Variants in AGBL4 observed in about 807,000 individuals in gnomAD.
AGBL4 encodes the protein AGBL carboxypeptidase 4.
Under a neutral mutation model 66.4 loss-of-function variants are expected in AGBL4, and 58 were observed. The observed-to-expected ratio is 0.87, with a 90% CI of 0.71 to 1.09. AGBL4 has a LOEUF of 1.09. Among genes scored for constraint, AGBL4 ranks in the 50% least tolerant of loss-of-function variants. AGBL4 has a pLI of 0.00. For missense variants in AGBL4, 579 were observed against 631.0 expected (o/e 0.92, Z 0.88); for synonymous variants, 234 against 222.9 (o/e 1.05, Z -0.44).
chr1:48,712,664 G>C (rs1481966762), intron 6 of AGBL4, among the ~76,000 whole-genome samples: 2 of 152,112 alleles, frequency 1.3e-5, no homozygotes, highest in Non-Finnish European at 2.9e-5. Flanking sequence ...GGCATCACTG[G>C]ACAGTCACAC....
At chr1:49,915,533 G>C (rs1463362684) in intron 1 of AGBL4, among the ~76,000 whole-genome samples, 1 of 152,230 alleles carries the variant, frequency 6.6e-6, no homozygotes, top group East Asian at 1.9e-4. Context: ...AGTGAGGCTG[G>C]GGAAGGGGCA....
At chr1:49,168,786 G>A (rs568521890) in intron 4 of AGBL4, among the ~76,000 whole-genome samples, 8 of 152,278 alleles carry the variant, frequency 5.3e-5, no homozygotes, top group African/African-American at 1.9e-4. Context: ...TGGGGCTTCA[G>A]GCCACAGGTG....
At chr1:49,241,010 T>A (rs1489304622) in intron 4 of AGBL4, among the ~76,000 whole-genome samples, 1 of 151,986 alleles carries the variant, frequency 6.6e-6, no homozygotes, top group Non-Finnish European at 1.5e-5. Flanking sequence ...ACTCTCCACA[T>A]CTAGTCAACC....
At chr1:49,820,142 T>A (rs938458119) in intron 2 of AGBL4, among the ~76,000 whole-genome samples, 8 of 152,150 alleles carry the variant, frequency 5.3e-5, no homozygotes, top group African/African-American at 1.9e-4. Context: ...GAATGTTTTA[T>A]CTCCTAGCGT....
At chr1:49,143,558 T>C (rs1310459513) in intron 4 of AGBL4, among the ~76,000 whole-genome samples, 1 of 152,226 alleles carries the variant, frequency 6.6e-6, no homozygotes, top group South Asian at 2.1e-4. Flanking sequence ...GCCATGCTTT[T>C]AACATTCTTC....
At chr1:49,807,754 T>C (rs545419269) in intron 2 of AGBL4, among the ~76,000 whole-genome samples, 1 of 152,276 alleles carries the variant, frequency 6.6e-6, no homozygotes, top group Admixed American at 6.5e-5. Flanking sequence ...AAGATTCAAA[T>C]GTTGAGACCT....
intron 11 of AGBL4, among the ~76,000 whole-genome samples, chr1:48,549,873 A>G (rs1275807936): frequency 6.6e-6 from 1 of 152,128 alleles, no homozygotes; most frequent in Non-Finnish European, 1.5e-5. Flanking sequence ...AAAAAAATGC[A>G]GAGAAGCACA....
At chr1:48,634,414 T>C (rs1645636066) in intron 9 of AGBL4, 79 bp downstream of exon 9, 2 of 1,213,544 alleles carry the variant, frequency 1.6e-6, no homozygotes, top group African/African-American at 1.5e-5. Context: ...CAGCTTCTAG[T>C]GGACTTTCCC....
At chr1:49,114,149 T>A (rs1645469428) in intron 4 of AGBL4, among the ~76,000 whole-genome samples, 1 of 152,232 alleles carries the variant, frequency 6.6e-6, no homozygotes, top group African/African-American at 2.4e-5. Context: ...GTGTCTACAT[T>A]GAAAATGTGT....
chr1:49,282,665 C>G (rs1570325578), intron 3 of AGBL4, among the ~76,000 whole-genome samples: 3 of 152,324 alleles, frequency 2.0e-5, no homozygotes, highest in African/African-American at 7.2e-5. Flanking sequence ...TAGGTGCTCG[C>G]ACCGTGCGCG....
intron 2 of AGBL4, among the ~76,000 whole-genome samples, chr1:49,745,250 T>A (rs936355970): frequency 1.3e-5 from 2 of 152,068 alleles, no homozygotes; most frequent in African/African-American, 4.8e-5. Flanking sequence ...AGTTCTCCTT[T>A]ATCTGATTGT....
At chr1:49,277,004 T>C (rs1475595944) in intron 3 of AGBL4, among the ~76,000 whole-genome samples, 1 of 151,910 alleles carries the variant, frequency 6.6e-6, no homozygotes, top group African/African-American at 2.4e-5. Flanking sequence ...TACTATTTAA[T>C]GTTTCAGTAA....
At chr1:49,840,168 G>T (rs950546287) in intron 2 of AGBL4, among the ~76,000 whole-genome samples, 6 of 152,092 alleles carry the variant, frequency 3.9e-5, no homozygotes, top group African/African-American at 1.4e-4. Context: ...GGTCTATTCA[G>T]AATTTCAATC....
intron 4 of AGBL4, among the ~76,000 whole-genome samples, chr1:49,131,891 G>A (rs921775466): frequency 1.3e-5 from 2 of 151,966 alleles, no homozygotes; most frequent in African/African-American, 4.8e-5. Flanking sequence ...AATTCTATTT[G>A]GAGTGCCTAT....
At chr1:49,037,076 A>C (rs923268389) in intron 5 of AGBL4, among the ~76,000 whole-genome samples, 24 of 152,102 alleles carry the variant, frequency 1.6e-4, no homozygotes, top group African/African-American at 5.6e-4. Flanking sequence ...AATAATAAAA[A>C]AAGAAAAAAG....
chr1:49,723,479 T>C (rs1214689949), intron 2 of AGBL4, among the ~76,000 whole-genome samples: 1 of 152,098 alleles, frequency 6.6e-6, no homozygotes, highest in African/African-American at 2.4e-5. Flanking sequence ...TCTGTACAAC[T>C]TTATCTACCA....
In AGBL4 at chr1:49,695,044, G is replaced by A. The variant is rs1646958296; in HGVS notation, c.282+2269C>T. 2.6e-5 allele frequency among the ~76,000 whole-genome samples: 4 copies of A among 152,050 alleles called. No individual in the cohort carries two copies. In the South Asian group the frequency reaches 8.3e-4, roughly 32 times the overall value. ...AGCAAAGAACACAATGAGGATAGAT[G>A]ATTCTCTTGTTTGAAAAGTAATTGG... On this transcript the variant is annotated intron_variant, in intron 3 of 13. Coordinates refer to ENST00000371839, the MANE Select transcript of AGBL4 (RefSeq NM_032785.4).
At chr1:48,865,507 C>G (rs569352519) in intron 6 of AGBL4, among the ~76,000 whole-genome samples, 2 of 152,240 alleles carry the variant, frequency 1.3e-5, no homozygotes, top group South Asian at 4.1e-4. Context: ...CTTTTCACAT[C>G]TAAGAGGAGG....
At chr1:49,437,020 A>G (rs1453878773) in intron 3 of AGBL4, among the ~76,000 whole-genome samples, 1 of 152,192 alleles carries the variant, frequency 6.6e-6, no homozygotes, top group Admixed American at 6.6e-5. Flanking sequence ...GCCAAAAGCC[A>G]TTAGGTGGAG....
Sources: allele counts gnomAD v4.1 joint callset (sites outside exome capture counted in the v4.1 genomes callset), GRCh38; gene constraint gnomAD v4.1.1; transcripts MANE v1.5; gene names NCBI Gene and HGNC (gene_info 2026-07-23, HGNC 2026-07-21).